Variants in SLC4A10 observed in about 807,000 individuals in gnomAD.
SLC4A10 encodes the protein solute carrier family 4 member 10.
Under a neutral mutation model 137.7 loss-of-function variants are expected in SLC4A10, and 42 were observed. The observed-to-expected ratio is 0.30, with a 90% CI of 0.24 to 0.39. The LOEUF (loss-of-function observed/expected upper bound fraction) is 0.39. Ranked by LOEUF, SLC4A10 falls within the 10% of genes least tolerant of loss-of-function variation. The pLI is 1.00. For synonymous variants in SLC4A10, 474 were observed against 464.1 expected (o/e 1.02, Z -0.27); for missense variants, 925 against 1,355.0 (o/e 0.68, Z 4.98).
intron 4 of SLC4A10, among the ~76,000 whole-genome samples, chr2:161,852,379 A>G (rs1292583313): frequency 6.6e-6 from 1 of 152,160 alleles, no homozygotes; most frequent in Non-Finnish European, 1.5e-5. Flanking sequence ...AATCCACAGC[A>G]TATGTCAGTA....
intron 19 of SLC4A10, among the ~76,000 whole-genome samples, chr2:161,951,593 G>A (rs1424467084): frequency 4.6e-5 from 7 of 152,048 alleles, no homozygotes; most frequent in South Asian, 2.1e-4. Context: ...AACATAACAT[G>A]CACAATCTTG....
intron 15 of SLC4A10, among the ~76,000 whole-genome samples, chr2:161,918,996 C>G (rs1687648637): frequency 6.6e-6 from 1 of 152,220 alleles, no homozygotes; most frequent in South Asian, 2.1e-4. Flanking sequence ...CCCCTCCCCC[C>G]ATAGGTTTGG....
At chr2:161,701,587 T>A (rs1003955526) in intron 1 of SLC4A10, among the ~76,000 whole-genome samples, 2 of 151,988 alleles carry the variant, frequency 1.3e-5, no homozygotes, top group Non-Finnish European at 2.9e-5. Context: ...AACATTCCAA[T>A]TCTTCTCTTC....
chr2:161,767,518 G>A (rs771393920), intron 1 of SLC4A10, among the ~76,000 whole-genome samples: 22 of 151,690 alleles, frequency 1.5e-4, no homozygotes, highest in South Asian at 1.0e-3. Context: ...GAAACAGATT[G>A]TTAATGTCTA....
At chr2:161,916,062 AC>A (rs1222692568) in intron 15 of SLC4A10, among the ~76,000 whole-genome samples, 1 of 152,184 alleles carries the variant, frequency 6.6e-6, no homozygotes, top group Non-Finnish European at 1.5e-5. Flanking sequence ...CTCAGAGGAG[AC>A]CAACCCTGTT....
chr2:161,805,785 T>C (rs2055882690), intron 3 of SLC4A10, among the ~76,000 whole-genome samples: 1 of 152,216 alleles, frequency 6.6e-6, no homozygotes, highest in Non-Finnish European at 1.5e-5. Flanking sequence ...TTGAGTGTCT[T>C]GTTGCTTTTC....
At chr2:161,656,313 G>A (rs2037523695) in intron 1 of SLC4A10, among the ~76,000 whole-genome samples, 1 of 152,086 alleles carries the variant, frequency 6.6e-6, no homozygotes, top group Non-Finnish European at 1.5e-5. Flanking sequence ...GGATTCTTTT[G>A]TATTTTGAGA....
At chr2:161,728,875 T>C (rs912834359) in intron 1 of SLC4A10, among the ~76,000 whole-genome samples, 3 of 152,304 alleles carry the variant, frequency 2.0e-5, no homozygotes, top group Admixed American at 6.5e-5. Flanking sequence ...TTAGGTTTTA[T>C]CTTGGGAATG....
chr2:161,649,288 G>A (rs575011614), intron 1 of SLC4A10, among the ~76,000 whole-genome samples: 4 of 152,352 alleles, frequency 2.6e-5, no homozygotes, highest in Admixed American at 6.5e-5. Flanking sequence ...TTGAGCCTGG[G>A]AGGCAGGGTT....
At chr2:161,925,394 T>C (rs975412459) in intron 15 of SLC4A10, among the ~76,000 whole-genome samples, 1 of 152,106 alleles carries the variant, frequency 6.6e-6, no homozygotes, top group African/African-American at 2.4e-5. Context: ...GGTGGTGATA[T>C]ATATCCCCTT....
intron 5 of SLC4A10, among the ~76,000 whole-genome samples, chr2:161,856,301 T>A (rs768048142): frequency 6.6e-6 from 1 of 151,298 alleles, no homozygotes; most frequent in African/African-American, 2.4e-5. Flanking sequence ...AAAAGAAAAG[T>A]AAGTACTGAA....
chr2:161,704,914 C>T (rs866651165), intron 1 of SLC4A10, among the ~76,000 whole-genome samples: 2 of 151,490 alleles, frequency 1.3e-5, no homozygotes, highest in African/African-American at 2.4e-5. Context: ...CTAAGATGAA[C>T]GACTGAACAT....
intron 15 of SLC4A10, among the ~76,000 whole-genome samples, chr2:161,941,212 AC>A (rs1229174298): frequency 1.3e-5 from 2 of 152,178 alleles, no homozygotes; most frequent in Non-Finnish European, 2.9e-5. Context: ...AAATCATTCC[AC>A]GTTTAAAATT....
intron 15 of SLC4A10, 88 bp downstream of exon 15, chr2:161,905,975 A>T (rs1684254821): frequency 1.4e-6 from 2 of 1,464,690 alleles, no homozygotes; most frequent in Admixed American, 5.2e-5. Flanking sequence ...ATTACTCAGC[A>T]GAGAATGTGC....
chr2:161,698,505 T>G lies in SLC4A10; in HGVS notation c.49-72468T>G, dbSNP rs575209935. On this transcript the variant is annotated intron_variant, in intron 1 of 26. Transcript: ENST00000446997. ...CATCAATACCTAATTTATTGAGAGT[T>G]TTTAGCATGAATGGTTGTTGAATTT... 9.1e-4 allele frequency among the ~76,000 whole-genome samples: 139 copies of G among 152,314 alleles called. No homozygotes were observed. In the South Asian group the frequency reaches 0.013, roughly 15 times the overall value.
At chr2:161,675,188 A>G (rs1342424627) in intron 1 of SLC4A10, among the ~76,000 whole-genome samples, 2 of 151,946 alleles carry the variant, frequency 1.3e-5, no homozygotes, top group African/African-American at 2.4e-5. Flanking sequence ...TGAGGGGGCA[A>G]CTCCTACCTG....
chr2:161,703,860 C>T (rs1400411413), intron 1 of SLC4A10, among the ~76,000 whole-genome samples: 2 of 151,532 alleles, frequency 1.3e-5, no homozygotes, highest in East Asian at 3.9e-4. Context: ...GTTGTGGCAC[C>T]CTACAACATC....
At chr2:161,828,937 G>A (rs2058235891) in intron 3 of SLC4A10, among the ~76,000 whole-genome samples, 1 of 149,048 alleles carries the variant, frequency 6.7e-6, no homozygotes, top group Non-Finnish European at 1.5e-5. Context: ...TATTCTATTA[G>A]AATAATTCTA....
At chr2:161,808,816 A>G (rs1168966360) in intron 3 of SLC4A10, among the ~76,000 whole-genome samples, 1 of 151,958 alleles carries the variant, frequency 6.6e-6, no homozygotes, top group African/African-American at 2.4e-5. Flanking sequence ...CCACTTTACC[A>G]TAAGGAAACC....
Sources: allele counts gnomAD v4.1 joint callset (sites outside exome capture counted in the v4.1 genomes callset), GRCh38; gene constraint gnomAD v4.1.1; transcripts MANE v1.5; gene names NCBI Gene and HGNC (gene_info 2026-07-23, HGNC 2026-07-21).